The following TNKS variants were observed in gnomAD, a reference collection of about 807,000 sequenced individuals.
TNKS encodes the protein poly [ADP-ribose] polymerase tankyrase-1.
A neutral mutation model predicts 135.8 loss-of-function variants in TNKS; 72 were observed. That is an observed-to-expected ratio of 0.53 (90% CI 0.44 to 0.64). The LOEUF (loss-of-function observed/expected upper bound fraction) is 0.64. Among genes scored for constraint, TNKS ranks in the 30% least tolerant of loss-of-function variants. TNKS has a pLI of 0.00. For missense variants in TNKS, 1,769 were observed against 1,674.0 expected, an observed-to-expected ratio of 1.06 and a Z score of -0.99; for synonymous variants, 849 against 649.3, an observed-to-expected ratio of 1.31 and a Z score of -4.68.
chr8:9,756,234 C>T (rs914440358), intron 20 of TNKS, among the ~76,000 whole-genome samples: 1 of 151,956 alleles, frequency 6.6e-6, no homozygotes, highest in African/African-American at 2.4e-5. Context: ...TCATTGTGAA[C>T]TTGATTATAA....
At chr8:9,761,661 A>T in intron 21 of TNKS, 25 bp downstream of exon 21, 1 of 1,581,682 alleles carries the variant, frequency 6.3e-7, no homozygotes. Context: ...AAAAAAAAAA[A>T]ATTTCAGAAA....
chr8:9,756,162 G>C (rs1806824638), intron 20 of TNKS, among the ~76,000 whole-genome samples: 1 of 152,084 alleles, frequency 6.6e-6, no homozygotes, highest in Admixed American at 6.5e-5. Context: ...TATTTTCATG[G>C]AAAGTGACCA....
intron 26 of TNKS, among the ~76,000 whole-genome samples, chr8:9,775,999 G>C (rs1026983817): frequency 3.3e-5 from 5 of 151,778 alleles, no homozygotes; most frequent in African/African-American, 9.7e-5. Context: ...CCTTTTTCCT[G>C]CTCCCACCAA....
intron 5 of TNKS, among the ~76,000 whole-genome samples, chr8:9,704,208 C>G (rs948840443): frequency 6.6e-6 from 1 of 151,974 alleles, no homozygotes; most frequent in Non-Finnish European, 1.5e-5. Context: ...TCAATCTTTC[C>G]TATTAAAGAA....
chr8:9,770,007 G>C (rs1261851509), intron 25 of TNKS, 99 bp from the exon 26 acceptor site: 7 of 1,036,194 alleles, frequency 6.8e-6, no homozygotes, highest in Non-Finnish European at 8.1e-6. Context: ...AAATTAGCTT[G>C]CCTTATGTTA....
In TNKS at chr8:9,740,836, T is replaced by TTG. The variant is rs1805913593; in HGVS notation, c.2643+5351_2643+5352insGT. ...TATGTAATTCTTGTTGTTTTTTTTT[T>TTG]TTTTTTTTTTGAGAACAGGTCGGAC... On this transcript the variant is annotated intron_variant, in intron 17 of 26. Coordinates refer to ENST00000310430, the MANE Select transcript of TNKS (RefSeq NM_003747.3). 3 of 143,350 alleles carry TTG rather than the reference T, an allele frequency of 2.1e-5. No homozygotes were observed. The Admixed American group carries it at 2.1e-4, about 10-fold the overall frequency. 8.9% of individuals were successfully genotyped at this position (143,350 alleles called of 1,614,324 possible).
chr8:9,571,814 C>T (rs985806274), intron 1 of TNKS, among the ~76,000 whole-genome samples: 2 of 152,112 alleles, frequency 1.3e-5, no homozygotes, highest in African/African-American at 4.8e-5. Context: ...TCTGTTTGAA[C>T]CGTTCTGAAC....
At chr8:9,581,506 A>C (rs757480742) in intron 2 of TNKS, among the ~76,000 whole-genome samples, 1 of 152,184 alleles carries the variant, frequency 6.6e-6, no homozygotes, top group African/African-American at 2.4e-5. Flanking sequence ...AGAAGCTTCA[A>C]CTTATAACAT....
chr8:9,761,126 G>A (rs901767673), intron 20 of TNKS, among the ~76,000 whole-genome samples: 4 of 151,934 alleles, frequency 2.6e-5, no homozygotes, highest in South Asian at 2.1e-4. Context: ...TTCCCCCACC[G>A]TTCATTTCTA....
intron 2 of TNKS, among the ~76,000 whole-genome samples, chr8:9,603,216 C>T (rs561235017): frequency 6.6e-6 from 1 of 152,220 alleles, no homozygotes; most frequent in South Asian, 2.1e-4. Flanking sequence ...CCACACCCAG[C>T]TACTTTTTTT....
At position 9,764,747 on chromosome 8, in the gene TNKS, G is replaced by A. The variant is rs760887200; in HGVS notation, c.3404G>A (p.Gly1135Asp). ...AGTACTATTCGAGAACACAGAGATG[G>A]TGGTAATGCTGGCGGCATCTTCAAC... Reference protein sequence around the residue: ...MQSTIREHRDGGNAGGIFNRY... With the variant: ...MQSTIREHRDDGNAGGIFNRY... The change falls in exon 23 of 27, where the codon GGT becomes GAT. Residue 1135 changes from glycine (G) to aspartate (D), a missense_variant. Around this residue, in one of 5 missense-constraint regions of TNKS, gnomAD observed 722 missense variants for 688.9 expected, o/e 1.05. Coordinates refer to ENST00000310430, the MANE Select transcript of TNKS (RefSeq NM_003747.3). The A allele has an allele frequency of 1.9e-6, 3 of 1,599,506 alleles. No individual in the cohort carries two copies. Among genetic ancestry groups the A allele is most frequent in the Non-Finnish European group, 2.6e-6 (3 of 1,174,894 alleles).
chr8:9,586,950 TAGAA>T (rs1400796136), intron 2 of TNKS, among the ~76,000 whole-genome samples: 1 of 152,108 alleles, frequency 6.6e-6, no homozygotes, highest in Non-Finnish European at 1.5e-5. Flanking sequence ...GGTCTCCCGT[TAGAA>T]AGAACCATAT....
chr8:9,693,874 C>T (rs1289694267), intron 5 of TNKS, among the ~76,000 whole-genome samples: 1 of 152,172 alleles, frequency 6.6e-6, no homozygotes, highest in East Asian at 1.9e-4. Context: ...AACTGATTTA[C>T]ATTGCCTGGC....
chr8:9,580,178 T>C lies in TNKS; in HGVS notation c.693T>C (p.Val231=), dbSNP rs752469006. Residue 231 remains valine, a synonymous_variant, in exon 2 of 27, where the codon GTT becomes GTC. Coordinates refer to ENST00000310430, the MANE Select transcript of TNKS (RefSeq NM_003747.3). Reference sequence around the variant, plus strand: ...TTTTAGGTTTTGGAAGGAAGGATGTTGTAGAACACTTACTACAGATGGGTG... The same window carrying C: ...TTTTAGGTTTTGGAAGGAAGGATGTCGTAGAACACTTACTACAGATGGGTG... ...HFAAGFGRKD[V]VEHLLQMGAN... 9.9e-6 allele frequency: 16 copies of C among 1,614,190 alleles called. No individual in the cohort carries two copies. Among genetic ancestry groups the C allele is most frequent in the Middle Eastern group, 1.6e-4 (1 of 6,062 alleles).
chr8:9,715,565 C>T (rs1804565494), intron 11 of TNKS, among the ~76,000 whole-genome samples: 1 of 152,022 alleles, frequency 6.6e-6, no homozygotes, highest in South Asian at 2.1e-4. Flanking sequence ...TGCCCGTGAC[C>T]AAATTCAACA....
chr8:9,716,643 G>T (rs925141241), intron 11 of TNKS, among the ~76,000 whole-genome samples: 1 of 152,000 alleles, frequency 6.6e-6, no homozygotes, highest in East Asian at 1.9e-4. Context: ...TTTGGCTGCC[G>T]TTCTCTATGT....
Position 9,765,676 on chromosome 8 carries a change from T to G in TNKS, c.3448-16T>G, listed in dbSNP as rs767267589. 1 of 1,601,116 alleles carries G rather than the reference T, an allele frequency of 6.2e-7. No individual in the cohort carries two copies. Among genetic ancestry groups the G allele is most frequent in the Non-Finnish European group, 8.6e-7 (1 of 1,169,154 alleles). On this transcript the variant is annotated splice_polypyrimidine_tract_variant and intron_variant, in intron 23 of 26. Transcript: ENST00000310430. ...ACGTTTCACCGATAATGTTTCTTTC[T>G]TCTTCATCCTTAAAGATTCAAAAAG...
intron 12 of TNKS, among the ~76,000 whole-genome samples, chr8:9,724,823 A>T (rs74601265): frequency 0.089 from 13,545 of 152,180 alleles, 730 homozygotes; most frequent in South Asian, 0.17. Context: ...TTTTTGCTTG[A>T]TTGGAAAATT....
chr8:9,625,870 A>G (rs1030166713), intron 3 of TNKS, among the ~76,000 whole-genome samples: 1 of 152,008 alleles, frequency 6.6e-6, no homozygotes, highest in African/African-American at 2.4e-5. Context: ...AAGAGAATGT[A>G]TTTTCTGATG....
Sources: allele counts gnomAD v4.1 joint callset (sites outside exome capture counted in the v4.1 genomes callset), GRCh38; gene constraint gnomAD v4.1.1; regional missense constraint gnomAD v4.1.1; transcripts MANE v1.5; gene names NCBI Gene and HGNC (gene_info 2026-07-23, HGNC 2026-07-21).